Variants in CADPS observed in about 807,000 individuals in gnomAD.
CADPS encodes calcium dependent secretion activator, also known as calcium-dependent secretion activator 1.
Under a neutral mutation model 167.3 loss-of-function variants are expected in CADPS, and 57 were observed. That is an observed-to-expected ratio of 0.34 (90% CI 0.28 to 0.42). CADPS has a LOEUF of 0.42. CADPS is among the 20% of genes least tolerant of loss of function. CADPS has a pLI of 1.00. For synonymous variants in CADPS, 676 were observed against 635.3 expected, an observed-to-expected ratio of 1.06 and a Z score of -0.96; for missense variants, 1,414 against 1,738.1, an observed-to-expected ratio of 0.81 and a Z score of 3.32.
At chr3:62,407,655 G>A (rs567284991) in intron 28 of CADPS, among the ~76,000 whole-genome samples, 46 of 152,304 alleles carry the variant, frequency 3.0e-4, no homozygotes, top group Non-Finnish European at 5.6e-4. Flanking sequence ...AGCAGAGTGA[G>A]TGTCACATAG....
intron 24 of CADPS, among the ~76,000 whole-genome samples, chr3:62,470,992 C>T (rs904255787): frequency 1.3e-5 from 2 of 152,160 alleles, no homozygotes; most frequent in African/African-American, 4.8e-5. Flanking sequence ...ATAGACACTG[C>T]TGTTTCATGT....
chr3:62,721,136 A>ATTTTTTTTTT (rs1564299437), intron 3 of CADPS, among the ~76,000 whole-genome samples: 32 of 72,766 alleles, frequency 4.4e-4, no homozygotes, highest in African/African-American at 2.1e-3. Flanking sequence ...TTTTTTTTTA[A>ATTTTTTTTTT]AAAAAAAAAG....
intron 8 of CADPS, among the ~76,000 whole-genome samples, chr3:62,572,404 C>A (rs530259131): frequency 3.9e-5 from 6 of 152,264 alleles, no homozygotes; most frequent in Admixed American, 6.5e-5. Context: ...TATAGAGGAA[C>A]CTCTTAATTG....
chr3:62,797,366 T>C (rs2093489080), intron 1 of CADPS, among the ~76,000 whole-genome samples: 1 of 152,158 alleles, frequency 6.6e-6, no homozygotes. Flanking sequence ...CCCAGCACTT[T>C]GCATGCAGTA....
At position 62,742,814 on chromosome 3, in the gene CADPS, A is replaced by T. The variant is rs141747062; in HGVS notation, c.888+10627T>A. 2.3e-4 allele frequency among the ~76,000 whole-genome samples: 35 copies of T among 152,348 alleles called. No individual in the cohort carries two copies. In the East Asian group the frequency reaches 6.6e-3, roughly 29 times the overall value. ...CTAAAAAGCTTCTGCATAGCAAAAC[A>T]AACTATCAACAGAGAAAAGAGAAAA... is the stretch of plus-strand genomic sequence containing the variant. On this transcript the variant is annotated intron_variant, in intron 3 of 29. Transcript: ENST00000383710.
rs114979190 is a variant in CADPS at position 62,760,885 on chromosome 3, G to A, written c.555+4986C>T. ...AACTGTTCTTCCTCTTCTGATAATA[G>A]TACCTCAGTCTTTCTTCCAAGAACC... On this transcript the variant is annotated intron_variant, in intron 2 of 29. Transcript: ENST00000383710. Among the ~76,000 whole-genome samples, 1,485 of 152,240 alleles carry A rather than the reference G, an allele frequency of 9.8e-3. 26 individuals carry two copies. Among genetic ancestry groups the A allele is most frequent in the African/African-American group, 0.034 (1,414 of 41,520 alleles).
intron 1 of CADPS, among the ~76,000 whole-genome samples, chr3:62,866,968 T>A (rs1476485609): frequency 6.6e-6 from 1 of 152,058 alleles, no homozygotes; most frequent in East Asian, 1.9e-4. Flanking sequence ...GTTAGAGGTC[T>A]TAGTCTCTGT....
intron 1 of CADPS, among the ~76,000 whole-genome samples, chr3:62,847,086 G>A (rs1046099001): frequency 1.3e-5 from 2 of 152,182 alleles, no homozygotes; most frequent in Non-Finnish European, 2.9e-5. Flanking sequence ...TCTTTGGGCA[G>A]TGAGAGCCTT....
At chr3:62,521,412 G>A (rs1264912709) in intron 13 of CADPS, among the ~76,000 whole-genome samples, 2 of 152,160 alleles carry the variant, frequency 1.3e-5, no homozygotes, top group Admixed American at 1.3e-4. Context: ...ATTCCAAGTA[G>A]TGCTGGTTGC....
rs201788520 is a variant in CADPS, at chr3:62,478,436, A to G, written c.3174-20T>C. 169 of 1,608,320 alleles carry G rather than the reference A, an allele frequency of 1.1e-4. No individual in the cohort carries two copies. Among genetic ancestry groups the G allele is most frequent in the Middle Eastern group, 3.4e-4 (2 of 5,966 alleles). On this transcript the variant is annotated intron_variant, in intron 22 of 29. Coordinates refer to ENST00000383710, the MANE Select transcript of CADPS (RefSeq NM_003716.4). The surrounding 1 kb of genome is among the most constrained non-coding windows in gnomAD (Gnocchi z 5.7). ...CCATTACTGGCAGGACAAAAATTAG[A>G]AAATGAGAGTCACCCACTGGCCTCA...
At chr3:62,485,681 G>A (rs1002793306) in intron 21 of CADPS, among the ~76,000 whole-genome samples, 3 of 152,100 alleles carry the variant, frequency 2.0e-5, no homozygotes, top group African/African-American at 4.8e-5. Context: ...CAGCCTGTGT[G>A]GGTTCTTTAA....
In CADPS at chr3:62,438,991, T is replaced by C. The variant is rs1302681436; in HGVS notation, c.3670-780A>G. On this transcript the variant is annotated intron_variant, in intron 27 of 29. Coordinates refer to ENST00000383710, the MANE Select transcript of CADPS (RefSeq NM_003716.4). This position sits in a 1 kb window ranked among gnomAD's most constrained non-coding sequence, Gnocchi z 4.7. ...CATCCTGCAGTTAGGAAATGACTTATTGTAGGGAAGTAAAAAAAAAAAGAA... is the reference window on the plus strand; with the variant it reads ...CATCCTGCAGTTAGGAAATGACTTACTGTAGGGAAGTAAAAAAAAAAAGAA... The C allele has an allele frequency of 6.6e-6, 1 of 151,690 alleles. No individual in the cohort carries two copies. The highest frequency in any genetic ancestry group is 1.5e-5 in the Non-Finnish European group (1 of 67,960). The allele number at this position is 151,690 out of a possible 1,614,324, so 9.4% of individuals were successfully genotyped here.
chr3:62,418,745 G>A (rs1180539002), intron 28 of CADPS, among the ~76,000 whole-genome samples: 5 of 151,946 alleles, frequency 3.3e-5, no homozygotes. Flanking sequence ...AACTCAAGGT[G>A]CCCAAATATC....
intron 18 of CADPS, among the ~76,000 whole-genome samples, chr3:62,494,746 C>T (rs2064371438): frequency 6.9e-6 from 1 of 144,402 alleles, no homozygotes; most frequent in Non-Finnish European, 1.5e-5. Flanking sequence ...TGGCTCACTG[C>T]AGCCCCTGCC....
chr3:62,734,905 C>T (rs1244151679), intron 3 of CADPS, among the ~76,000 whole-genome samples: 7 of 152,056 alleles, frequency 4.6e-5, no homozygotes, highest in African/African-American at 1.4e-4. Flanking sequence ...ACATTTGAAA[C>T]ATGGCTATTT....
Position 62,579,357 on chromosome 3 carries a change from C to G in CADPS, c.1577+5828G>C, listed in dbSNP as rs538156271. On this transcript the variant is annotated intron_variant, in intron 8 of 29. Coordinates refer to ENST00000383710, the MANE Select transcript of CADPS (RefSeq NM_003716.4). Reference sequence around the variant, plus strand: ...TCTAAACAATAAATAATTCACTGGACTTTTGCTACATGTCAGTCTCTGTAT... The same window carrying G: ...TCTAAACAATAAATAATTCACTGGAGTTTTGCTACATGTCAGTCTCTGTAT... Among the ~76,000 whole-genome samples, 143 of 152,284 alleles carry G rather than the reference C, an allele frequency of 9.4e-4. 1 individual carries two copies. Among genetic ancestry groups the G allele is most frequent in the Middle Eastern group, 3.4e-3 (1 of 294 alleles).
intron 8 of CADPS, among the ~76,000 whole-genome samples, chr3:62,581,338 C>G (rs1450097193): frequency 1.3e-5 from 2 of 150,358 alleles, no homozygotes; most frequent in African/African-American, 2.5e-5. Flanking sequence ...CAAATTGTAA[C>G]TTATTTTTCT....
intron 26 of CADPS, among the ~76,000 whole-genome samples, chr3:62,449,486 C>A (rs945382614): frequency 2.0e-5 from 3 of 152,142 alleles, no homozygotes; most frequent in African/African-American, 7.2e-5. Context: ...TTTTAAGGAT[C>A]ACCTTTTCTT....
chr3:62,741,598 A>C (rs531877448), intron 3 of CADPS, among the ~76,000 whole-genome samples: 218 of 152,342 alleles, frequency 1.4e-3, no homozygotes, highest in Non-Finnish European at 2.6e-3. Context: ...AACTCTCAAT[A>C]AACTAGGTAT....
Sources: gnomAD v4.1 joint callset for allele counts (sites outside exome capture counted in the v4.1 genomes callset) on GRCh38, gnomAD v4.1.1 for gene constraint, Gnocchi (gnomAD v3.1) non-coding constraint, MANE v1.5 for transcripts, NCBI Gene and HGNC (gene_info 2026-07-23, HGNC 2026-07-21) for gene names.